Variants in DIAPH3 observed in about 807,000 individuals in gnomAD.
DIAPH3 encodes the protein protein diaphanous homolog 3.
Under a neutral mutation model 144.3 loss-of-function variants are expected in DIAPH3, and 117 were observed. That is an observed-to-expected ratio of 0.81 (90% CI 0.70 to 0.95). The LOEUF (loss-of-function observed/expected upper bound fraction) is 0.95. Among genes scored for constraint, DIAPH3 ranks in the 40% least tolerant of loss-of-function variants. The probability of loss-of-function intolerance (pLI) is 0.00; values close to 1 mark genes in which losing one functional copy is unlikely to be tolerated. For synonymous variants in DIAPH3, 519 were observed against 488.9 expected (o/e 1.06, Z -0.81); for missense variants, 1,421 against 1,412.7 (o/e 1.01, Z -0.09).
intron 27 of DIAPH3, among the ~76,000 whole-genome samples, chr13:59,684,395 G>A (rs2033108722): frequency 6.6e-6 from 1 of 152,180 alleles, no homozygotes; most frequent in Non-Finnish European, 1.5e-5. Flanking sequence ...AGATCAGAGG[G>A]TGTTGTATTA....
intron 27 of DIAPH3, among the ~76,000 whole-genome samples, chr13:59,751,749 T>C (rs576219172): frequency 3.9e-5 from 6 of 152,212 alleles, no homozygotes; most frequent in Non-Finnish European, 7.3e-5. Context: ...GTTTTTGAAG[T>C]AAACTTTTAA....
rs1479738336 is a variant in DIAPH3 at position 59,878,799 on chromosome 13, C to T, written c.2607+430G>A. ...CTTTATATAAAGGGGTCCCATTTTT[C>T]TCTCCTTTCAGTCTGCTTATGAAAG... On this transcript the variant is annotated intron_variant, in intron 21 of 27. Coordinates refer to ENST00000400324, the MANE Select transcript of DIAPH3 (RefSeq NM_001042517.2). 2.6e-5 allele frequency among the ~76,000 whole-genome samples: 4 copies of T among 151,916 alleles called. No individual in the cohort carries two copies. In the East Asian group the frequency reaches 7.7e-4, roughly 29 times the overall value.
intron 27 of DIAPH3, among the ~76,000 whole-genome samples, chr13:59,683,313 T>G (rs1253282138): frequency 6.6e-6 from 1 of 152,188 alleles, no homozygotes; most frequent in African/African-American, 2.4e-5. Flanking sequence ...GAATCTTTTA[T>G]GACTTTTAGC....
At chr13:59,707,465 G>C (rs1356253611) in intron 27 of DIAPH3, among the ~76,000 whole-genome samples, 1 of 152,034 alleles carries the variant, frequency 6.6e-6, no homozygotes, top group Non-Finnish European at 1.5e-5. Flanking sequence ...TGCAGAATAA[G>C]GTTTTAGAAA....
intron 27 of DIAPH3, among the ~76,000 whole-genome samples, chr13:59,688,667 G>A (rs555007897): frequency 6.6e-6 from 1 of 152,140 alleles, no homozygotes; most frequent in South Asian, 2.1e-4. Context: ...TTGGTGGAGT[G>A]AGGTCCACCT....
At chr13:59,774,660 G>A in intron 26 of DIAPH3, 68 bp downstream of exon 26, 1 of 1,454,886 alleles carries the variant, frequency 6.9e-7, no homozygotes, top group Admixed American at 1.7e-5. Context: ...TCAAAAGAAT[G>A]AGAAAAACAG....
At chr13:59,875,762 C>G (rs1022872487) in intron 21 of DIAPH3, among the ~76,000 whole-genome samples, 6 of 152,114 alleles carry the variant, frequency 3.9e-5, no homozygotes, top group African/African-American at 1.4e-4. Context: ...TTATGTTTAC[C>G]TTATATGTCA....
At chr13:59,740,718 A>T (rs1422481319) in intron 27 of DIAPH3, among the ~76,000 whole-genome samples, 1 of 152,216 alleles carries the variant, frequency 6.6e-6, no homozygotes, top group Non-Finnish European at 1.5e-5. Flanking sequence ...GGAATTAGGT[A>T]ACTTATCTAC....
intron 17 of DIAPH3, among the ~76,000 whole-genome samples, chr13:59,953,968 G>A (rs1233708792): frequency 1.3e-5 from 2 of 152,148 alleles, no homozygotes; most frequent in Non-Finnish European, 2.9e-5. Flanking sequence ...TAAGTGTCAA[G>A]AAACAAAATA....
chr13:59,920,729 G>A (rs1445849262), intron 18 of DIAPH3, among the ~76,000 whole-genome samples: 1 of 151,592 alleles, frequency 6.6e-6, no homozygotes, highest in Non-Finnish European at 1.5e-5. Context: ...ATGAACTCTA[G>A]GCCAAAAGGA....
Position 59,901,992 on chromosome 13 carries a change from G to A in DIAPH3, c.2367+9743C>T, listed in dbSNP as rs140226583. 6.9e-3 allele frequency among the ~76,000 whole-genome samples: 1,050 copies of A among 152,224 alleles called. 5 individuals are homozygous for A. Among genetic ancestry groups the A allele is most frequent in the Non-Finnish European group, 0.012 (792 of 68,018 alleles). On this transcript the variant is annotated intron_variant, in intron 20 of 27. Transcript: ENST00000400324. ...GAGAGTGCAAATAAAAATGTACAAA[G>A]TTCTTAAGTATACCCAACCTATCAG...
At chr13:59,786,944 TA>T (rs558330128) in intron 25 of DIAPH3, among the ~76,000 whole-genome samples, 8 of 148,688 alleles carry the variant, frequency 5.4e-5, no homozygotes, top group Non-Finnish European at 7.5e-5. Flanking sequence ...CCTTGTCTCT[TA>T]AAAAAAAAAT....
chr13:59,936,241 C>T (rs544959826), intron 17 of DIAPH3, among the ~76,000 whole-genome samples: 1 of 152,224 alleles, frequency 6.6e-6, no homozygotes, highest in East Asian at 1.9e-4. Context: ...AATGCTTCCC[C>T]TACCTCTTTA....
intron 22 of DIAPH3, among the ~76,000 whole-genome samples, chr13:59,857,775 A>C (rs942917647): frequency 6.6e-6 from 1 of 152,150 alleles, no homozygotes; most frequent in Non-Finnish European, 1.5e-5. Context: ...TTTACTTTTA[A>C]GTTTCTTGAT....
rs2042906593 is a variant in DIAPH3, at chr13:59,850,582, T to C, written c.2737+10825A>G. Among the ~76,000 whole-genome samples, 4 of 150,890 alleles carry C rather than the reference T, an allele frequency of 2.7e-5. No individual in the cohort carries two copies. In the South Asian group the frequency reaches 8.4e-4, roughly 32 times the overall value. On this transcript the variant is annotated intron_variant, in intron 22 of 27. Transcript: ENST00000400324. ...TTCTGCATCTATTGAGATAATCATGTGGTTTTTGTCTTTGGCTCTGTTTAT... is the reference window on the plus strand; with the variant it reads ...TTCTGCATCTATTGAGATAATCATGCGGTTTTTGTCTTTGGCTCTGTTTAT...
intron 2 of DIAPH3, among the ~76,000 whole-genome samples, chr13:60,122,485 C>A (rs1266835606): frequency 6.6e-6 from 1 of 152,126 alleles, no homozygotes; most frequent in Admixed American, 6.5e-5. Context: ...ATTCACTAAA[C>A]CCCCTCTGAA....
At chr13:59,874,605 G>A (rs866443626) in intron 21 of DIAPH3, among the ~76,000 whole-genome samples, 34 of 152,170 alleles carry the variant, frequency 2.2e-4, no homozygotes, top group African/African-American at 7.9e-4. Flanking sequence ...ACTCTGAGAC[G>A]AACTCATTAG....
At chr13:60,053,606 C>A (rs1473157052) in intron 4 of DIAPH3, among the ~76,000 whole-genome samples, 1 of 152,044 alleles carries the variant, frequency 6.6e-6, no homozygotes, top group Non-Finnish European at 1.5e-5. Context: ...TAACCCTCCC[C>A]TTTGACCTGT....
chr13:59,694,915 T>C (rs2033719857), intron 27 of DIAPH3, among the ~76,000 whole-genome samples: 1 of 152,196 alleles, frequency 6.6e-6, no homozygotes, highest in Non-Finnish European at 1.5e-5. Flanking sequence ...AATCCATCTG[T>C]CTGACTGAAT....
Sources: allele counts gnomAD v4.1 joint callset (sites outside exome capture counted in the v4.1 genomes callset), GRCh38; gene constraint gnomAD v4.1.1; transcripts MANE v1.5; gene names NCBI Gene and HGNC (gene_info 2026-07-23, HGNC 2026-07-21).